ZNF236: variants seen among roughly 807,000 people sequenced by gnomAD.
The protein encoded by ZNF236 is regulated by glucose.
In ZNF236, 50 loss-of-function variants were observed where a neutral mutation model predicts 191.2. The observed-to-expected ratio is 0.26, with a 90% CI of 0.21 to 0.33. The LOEUF (loss-of-function observed/expected upper bound fraction) is 0.33. ZNF236 is among the 10% of genes least tolerant of loss of function. ZNF236 has a pLI of 1.00. For missense variants in ZNF236, 1,754 were observed against 2,374.5 expected, an observed-to-expected ratio of 0.74 and a Z score of 5.43; for synonymous variants, 907 against 928.8, an observed-to-expected ratio of 0.98 and a Z score of 0.43.
At chr18:76,897,539 A>T (rs1977466870) in intron 10 of ZNF236, among the ~76,000 whole-genome samples, 1 of 151,240 alleles carries the variant, frequency 6.6e-6, no homozygotes, top group African/African-American at 2.4e-5. Flanking sequence ...ACAGTGCTGC[A>T]CACAGGGACC....
At chr18:76,947,965 G>A (rs978322815) in intron 27 of ZNF236, among the ~76,000 whole-genome samples, 3 of 152,092 alleles carry the variant, frequency 2.0e-5, no homozygotes, top group South Asian at 2.1e-4. Flanking sequence ...ATATTTGCCT[G>A]CTGATCAGAC....
Position 76,944,059 on chromosome 18 carries a change from C to G in ZNF236, c.4783-3462C>G, listed in dbSNP as rs377133713. Among the ~76,000 whole-genome samples, 18 of 152,314 alleles carry G rather than the reference C, an allele frequency of 1.2e-4. No individual in the cohort carries two copies. The South Asian group carries it at 3.5e-3, about 30-fold the overall frequency. ...GTATCCAGCCCTTGCTCATATTTTA[C>G]AGCATTTCCCAGATTCAGTCGAACA... On this transcript the variant is annotated intron_variant, in intron 26 of 30. Coordinates refer to ENST00000320610, the MANE Select transcript of ZNF236 (RefSeq NM_001306089.2).
chr18:76,891,934 G>A (rs1278144345), intron 9 of ZNF236, among the ~76,000 whole-genome samples: 1 of 151,958 alleles, frequency 6.6e-6, no homozygotes, highest in East Asian at 1.9e-4. Flanking sequence ...TTTTAAAAGT[G>A]TATTTTTCAC....
rs746225390 is a variant in ZNF236 at position 76,878,555 on chromosome 18, T to G, written c.984+403T>G. On this transcript the variant is annotated intron_variant, in intron 7 of 30. Transcript: ENST00000320610. The stretch of plus-strand genomic sequence containing the variant: ...TTTGAAACTAAATTATATTTTTCAG[T>G]ACATGTAGTTAAAAATTGTATGACT... 1.6e-4 allele frequency among the ~76,000 whole-genome samples: 25 copies of G among 152,188 alleles called. 1 individual carries two copies. Among genetic ancestry groups the G allele is most frequent in the Admixed American group, 1.4e-3 (21 of 15,278 alleles).
intron 30 of ZNF236, among the ~76,000 whole-genome samples, chr18:76,963,380 C>G (rs1968705790): frequency 6.6e-6 from 1 of 151,950 alleles, no homozygotes; most frequent in South Asian, 2.1e-4. Flanking sequence ...TCACATTTAT[C>G]GACTTGCATA....
At position 76,919,952 on chromosome 18, in the gene ZNF236, A is replaced by G; in HGVS notation, c.3451A>G (p.Ile1151Val). The G allele has an allele frequency of 6.2e-7, 1 of 1,614,178 alleles. No individual in the cohort carries two copies. Among genetic ancestry groups the G allele is most frequent in the Non-Finnish European group, 8.5e-7 (1 of 1,180,042 alleles). ...GCAGTCCGCGGCAGAAAAGGACCGC[A>G]TCAGTGAGCTGAGGGACAAGCAGGC... Reference protein sequence around the residue: ...LVQSAAEKDRISELRDKQAEL... With the variant: ...LVQSAAEKDRVSELRDKQAEL... The change falls in exon 20 of 31, where the codon ATC (isoleucine) becomes GTC (valine). Residue 1151 changes from isoleucine (I) to valine (V), a missense_variant. Ile to Val is a conservative substitution (Grantham distance 29). This residue lies in a region of ZNF236 where 641 missense variants were observed against 869.6 expected (regional missense o/e 0.74). Coordinates refer to ENST00000320610, the MANE Select transcript of ZNF236 (RefSeq NM_001306089.2). The surrounding 1 kb of genome is among the most constrained non-coding windows in gnomAD (Gnocchi z 5.3).
intron 1 of ZNF236, among the ~76,000 whole-genome samples, chr18:76,827,727 AAGTG>A (rs1975057116): frequency 6.6e-6 from 1 of 152,226 alleles, no homozygotes; most frequent in African/African-American, 2.4e-5. Flanking sequence ...AGGACGTGAG[AAGTG>A]AGTCTCACAG....
chr18:76,880,132 T>C lies in ZNF236; in HGVS notation c.1004T>C (p.Leu335Ser), dbSNP rs1568209898. 6.2e-7 allele frequency: 1 copy of C among 1,613,666 alleles called. No homozygotes were observed. Residue 335 changes from leucine (L) to serine (S), a missense_variant, in exon 8 of 31, where the codon TTA becomes TCA. Leu to Ser is a moderately radical substitution (Grantham distance 145). This residue lies in a region of ZNF236 where 336 missense variants were observed against 495.1 expected (regional missense o/e 0.68). Transcript: ENST00000320610. This position sits in a 1 kb window ranked among gnomAD's most constrained non-coding sequence, Gnocchi z 5.0. ...TTTCAGGCCACACTTTTTCAGACGT[T>C]ACCTCTTCAACAGACGGAAGCCCAA... ...HVLTATLFQT[L>S]PLQQTEAQAT...
rs565454935 is a variant in ZNF236, at chr18:76,829,746, T to C, written c.55+7084T>C. On this transcript the variant is annotated intron_variant, in intron 1 of 30. Transcript: ENST00000320610. ...TCTGCCTAGAAAAGTGCACAGGTTT[T>C]AGGTGAGGAGCTTCATGAGTTTTCC... is the stretch of plus-strand genomic sequence containing the variant. 3.3e-5 allele frequency among the ~76,000 whole-genome samples: 5 copies of C among 152,392 alleles called. No individual in the cohort carries two copies. The East Asian group carries it at 9.6e-4, about 29-fold the overall frequency.
chr18:76,903,284 T>A (rs1360524521), intron 11 of ZNF236, among the ~76,000 whole-genome samples: 1 of 152,164 alleles, frequency 6.6e-6, no homozygotes, highest in African/African-American at 2.4e-5. Flanking sequence ...TGGAGTGGTG[T>A]TGATCATCAG....
chr18:76,882,405 G>A (rs967004868), intron 9 of ZNF236, among the ~76,000 whole-genome samples: 3 of 152,108 alleles, frequency 2.0e-5, no homozygotes, highest in African/African-American at 7.2e-5. Context: ...TCCCTTCTAG[G>A]TAATAAGCTC....
chr18:76,944,573 G>A (rs1968212604), intron 26 of ZNF236, among the ~76,000 whole-genome samples: 1 of 152,106 alleles, frequency 6.6e-6, no homozygotes, highest in Admixed American at 6.5e-5. Context: ...CTGAGGTCAG[G>A]AGATCGAGAC....
chr18:76,919,948 C>A lies in ZNF236; in HGVS notation c.3447C>A (p.Asp1149Glu). The A allele has an allele frequency of 6.2e-7, 1 of 1,614,160 alleles. No homozygotes were observed. Among genetic ancestry groups the A allele is most frequent in the South Asian group, 1.1e-5 (1 of 91,076 alleles). Residue 1149 changes from aspartate to glutamate, a missense_variant, in exon 20 of 31, where the codon GAC becomes GAA. Coordinates refer to ENST00000320610, the MANE Select transcript of ZNF236 (RefSeq NM_001306089.2). The surrounding 1 kb of genome is among the most constrained non-coding windows in gnomAD (Gnocchi z 5.3). ...KVLVQSAAEKDRISELRDKQA... is the reference protein window; with the variant it reads ...KVLVQSAAEKERISELRDKQA... ...TGGTGCAGTCCGCGGCAGAAAAGGACCGCATCAGTGAGCTGAGGGACAAGC... is the reference window on the plus strand; with the variant it reads ...TGGTGCAGTCCGCGGCAGAAAAGGAACGCATCAGTGAGCTGAGGGACAAGC...
In ZNF236 at chr18:76,910,105, C is replaced by T. The variant is rs188760865; in HGVS notation, c.2589C>T (p.His863=). 9.9e-6 allele frequency: 16 copies of T among 1,613,554 alleles called. No individual in the cohort carries two copies. The highest frequency in any genetic ancestry group is 4.0e-5 in the African/African-American group (3 of 75,040). Residue 863 remains histidine (H), a synonymous_variant, in exon 15 of 31, where the codon CAC becomes CAT. Coordinates refer to ENST00000320610, the MANE Select transcript of ZNF236 (RefSeq NM_001306089.2). The part of the protein sequence containing the change: ...FVAPQDPLRG[H]VDQFEEQSPA... ...CTCCACAGGACCCTCTGCGAGGGCA[C>T]GTAGACCAGTTTGAAGAGCAGAGCC... is the stretch of plus-strand genomic sequence containing the variant.
In ZNF236 at chr18:76,901,382, C is replaced by T. The variant is rs147470337; in HGVS notation, c.1894+2160C>T. On this transcript the variant is annotated intron_variant, in intron 11 of 30. Coordinates refer to ENST00000320610, the MANE Select transcript of ZNF236 (RefSeq NM_001306089.2). Reference sequence around the variant, plus strand: ...AATGAATCTTTTCTAAAATAATATGCTTGGCAGAATTGACTGTAGAAGAAA... The same window carrying T: ...AATGAATCTTTTCTAAAATAATATGTTTGGCAGAATTGACTGTAGAAGAAA... Among the ~76,000 whole-genome samples, 157 of 152,238 alleles carry T rather than the reference C, an allele frequency of 1.0e-3. 1 individual carries two copies. Among genetic ancestry groups the T allele is most frequent in the Middle Eastern group, 3.4e-3 (1 of 294 alleles).
At position 76,823,578 on chromosome 18, in the gene ZNF236, T is replaced by G. The variant is rs76584917; in HGVS notation, c.55+916T>G. ...GTCAGGAAGTGTTTTCCCCAGTAAT[T>G]TATTCTCCATGGTACTTTGCTAAAG... On this transcript the variant is annotated intron_variant, in intron 1 of 30. Transcript: ENST00000320610. Among the ~76,000 whole-genome samples, 356 of 152,308 alleles carry G rather than the reference T, an allele frequency of 2.3e-3. 1 individual carries two copies. The highest frequency in any genetic ancestry group is 7.9e-3 in the African/African-American group (330 of 41,570).
chr18:76,827,257 C>G (rs141231033), intron 1 of ZNF236, among the ~76,000 whole-genome samples: 1 of 152,086 alleles, frequency 6.6e-6, no homozygotes, highest in Admixed American at 6.6e-5. Flanking sequence ...TTGATCTCGG[C>G]TCACTGCAAC....
chr18:76,960,836 G>A lies in ZNF236; in HGVS notation c.5400G>A (p.Lys1800=), dbSNP rs1483621395. 1.1e-5 allele frequency: 17 copies of A among 1,613,406 alleles called. No individual in the cohort carries two copies. The highest frequency in any genetic ancestry group is 1.4e-5 in the Non-Finnish European group (16 of 1,179,632). Residue 1800 remains lysine, a synonymous_variant, in exon 30 of 31, where the codon AAG becomes AAA. Coordinates refer to ENST00000320610, the MANE Select transcript of ZNF236 (RefSeq NM_001306089.2). The surrounding 1 kb of genome is among the most constrained non-coding windows in gnomAD (Gnocchi z 4.4). Reference sequence around the variant, plus strand: ...AGAGCAACATGAAGCTGCACATGAAGCGGGCGCACAGCTATGCTGGTGAGA... The same window carrying A: ...AGAGCAACATGAAGCTGCACATGAAACGGGCGCACAGCTATGCTGGTGAGA... ...TQKSNMKLHM[K]RAHSYAGALQ...
At chr18:76,906,214 G>A (rs1977735853) in intron 13 of ZNF236, among the ~76,000 whole-genome samples, 1 of 152,200 alleles carries the variant, frequency 6.6e-6, no homozygotes, top group Non-Finnish European at 1.5e-5. Context: ...TGATCTGACT[G>A]CCTAAGCACC....
Sources: allele counts gnomAD v4.1 joint callset (sites outside exome capture counted in the v4.1 genomes callset), GRCh38; gene constraint gnomAD v4.1.1; regional missense constraint gnomAD v4.1.1; non-coding constraint Gnocchi (gnomAD v3.1); transcripts MANE v1.5; gene names NCBI Gene and HGNC (gene_info 2026-07-23, HGNC 2026-07-21).